The following CHSY3 variants were observed in gnomAD, a reference collection of about 807,000 sequenced individuals.
CHSY3 encodes the protein chondroitin sulfate synthase 3, also known as N-acetylgalactosaminyl-proteoglycan 3-beta-glucuronosyltransferase 3.
A neutral mutation model predicts 67.2 loss-of-function variants in CHSY3; 35 were observed. The observed-to-expected ratio is 0.52, with a 90% CI of 0.40 to 0.69. The LOEUF (loss-of-function observed/expected upper bound fraction) is 0.69, where lower values mean the gene tolerates loss of function less well. CHSY3 is among the 30% of genes least tolerant of loss of function. The probability of loss-of-function intolerance (pLI) is 0.00; values close to 1 mark genes in which losing one functional copy is unlikely to be tolerated. For synonymous variants in CHSY3, 474 were observed against 434.7 expected (o/e 1.09, Z -1.12); for missense variants, 1,069 against 1,138.5 (o/e 0.94, Z 0.88).
At chr5:129,941,909 G>T (rs575625324) in intron 2 of CHSY3, among the ~76,000 whole-genome samples, 1 of 152,116 alleles carries the variant, frequency 6.6e-6, no homozygotes, top group Non-Finnish European at 1.5e-5. Flanking sequence ...TGATTAATTT[G>T]CTAGAATCGC....
rs1262718427 is a variant in CHSY3 at position 129,936,292 on chromosome 5, C to G, written c.1086+27932C>G. On this transcript the variant is annotated intron_variant, in intron 2 of 2. Transcript: ENST00000305031. Reference sequence around the variant, plus strand: ...TTGGTTGAAAGCAAAAGGAACACCTCTGGTTAATTTATATAGAAGGGAATT... The same window carrying G: ...TTGGTTGAAAGCAAAAGGAACACCTGTGGTTAATTTATATAGAAGGGAATT... Among the ~76,000 whole-genome samples the G allele has an allele frequency of 2.0e-5, 3 of 152,160 alleles. No individual in the cohort carries two copies. The East Asian group carries it at 5.8e-4, about 29-fold the overall frequency.
chr5:129,982,334 A>G (rs1763044516), intron 2 of CHSY3, among the ~76,000 whole-genome samples: 1 of 152,086 alleles, frequency 6.6e-6, no homozygotes, highest in Non-Finnish European at 1.5e-5. Context: ...CTACTCTAAA[A>G]TGGTTGCCTT....
At chr5:130,110,845 CT>C in intron 2 of CHSY3, among the ~76,000 whole-genome samples, 1 of 151,716 alleles carries the variant, frequency 6.6e-6, no homozygotes, top group East Asian at 1.9e-4. Context: ...CTTTAGAAAT[CT>C]TCATGTTTGG....
At chr5:130,004,274 A>G (rs1763811714) in intron 2 of CHSY3, among the ~76,000 whole-genome samples, 1 of 152,304 alleles carries the variant, frequency 6.6e-6, no homozygotes, top group South Asian at 2.1e-4. Flanking sequence ...TGAACCACGC[A>G]ACATAAAGTT....
rs569761788 is a variant in CHSY3 at position 129,967,749 on chromosome 5, C to T, written c.1086+59389C>T. Among the ~76,000 whole-genome samples, 5 of 151,876 alleles carry T rather than the reference C, an allele frequency of 3.3e-5. No individual in the cohort carries two copies. The East Asian group carries it at 9.7e-4, about 30-fold the overall frequency. ...CATTCAAAGGCAAACTATGCTTAAACCTGACCATGTCCACAGACAGTATAT... is the reference window on the plus strand; with the variant it reads ...CATTCAAAGGCAAACTATGCTTAAATCTGACCATGTCCACAGACAGTATAT... On this transcript the variant is annotated intron_variant, in intron 2 of 2. Coordinates refer to ENST00000305031, the MANE Select transcript of CHSY3 (RefSeq NM_175856.5).
intron 2 of CHSY3, among the ~76,000 whole-genome samples, chr5:130,006,863 A>T (rs995792913): frequency 1.3e-5 from 2 of 152,218 alleles, no homozygotes; most frequent in African/African-American, 4.8e-5. Context: ...CTAGCCTACA[A>T]TGTGCTAGAT....
At chr5:130,140,246 A>C (rs182271886) in intron 2 of CHSY3, 46 of 306,258 alleles carry the variant, frequency 1.5e-4, no homozygotes, top group African/African-American at 9.6e-4. Flanking sequence ...GATGCCAAAT[A>C]TCTGACTGGA....
At chr5:129,991,729 T>G (rs1763373413) in intron 2 of CHSY3, among the ~76,000 whole-genome samples, 1 of 150,774 alleles carries the variant, frequency 6.6e-6, no homozygotes, top group African/African-American at 2.4e-5. Flanking sequence ...TGAAGAGGAG[T>G]AGGAAAAAGA....
intron 2 of CHSY3, among the ~76,000 whole-genome samples, chr5:130,056,001 A>C (rs548489921): frequency 6.6e-6 from 1 of 152,148 alleles, no homozygotes; most frequent in Non-Finnish European, 1.5e-5. Context: ...ATAAGTATTA[A>C]TGTTGCCTGA....
chr5:130,031,240 A>G (rs1290781317), intron 2 of CHSY3, among the ~76,000 whole-genome samples: 1 of 152,112 alleles, frequency 6.6e-6, no homozygotes. Context: ...TTGCTAACAC[A>G]TGAGAGGGCT....
chr5:130,079,516 C>T (rs753431043), intron 2 of CHSY3, among the ~76,000 whole-genome samples: 14 of 152,012 alleles, frequency 9.2e-5, no homozygotes, highest in Non-Finnish European at 1.6e-4. Context: ...TCAGTGAATG[C>T]TGTCGTATGT....
intron 2 of CHSY3, among the ~76,000 whole-genome samples, chr5:130,047,574 T>G (rs993897667): frequency 6.6e-6 from 1 of 152,078 alleles, no homozygotes; most frequent in Non-Finnish European, 1.5e-5. Flanking sequence ...CTCTATATAA[T>G]AGGAAAAGTC....
chr5:130,052,615 G>A (rs1293481692), intron 2 of CHSY3, among the ~76,000 whole-genome samples: 1 of 151,994 alleles, frequency 6.6e-6, no homozygotes, highest in Non-Finnish European at 1.5e-5. Flanking sequence ...TTTATTCAAA[G>A]GGAAAACAGA....
intron 2 of CHSY3, among the ~76,000 whole-genome samples, chr5:130,079,432 CTT>C (rs1766376151): frequency 6.6e-6 from 1 of 152,046 alleles, no homozygotes; most frequent in Non-Finnish European, 1.5e-5. Context: ...TTGGGATAAA[CTT>C]CAGGATTTTT....
intron 2 of CHSY3, among the ~76,000 whole-genome samples, chr5:129,972,702 A>C (rs1005870625): frequency 2.6e-5 from 4 of 151,594 alleles, no homozygotes; most frequent in African/African-American, 9.7e-5. Flanking sequence ...CCCCACACCC[A>C]CTCTCCTACT....
Position 129,982,421 on chromosome 5 carries a change from T to A in CHSY3, c.1086+74061T>A, listed in dbSNP as rs533029327. On this transcript the variant is annotated intron_variant, in intron 2 of 2. Transcript: ENST00000305031. ...ATTTCCGTTATCCATCTATTCCATG[T>A]AAATTTGAACACATCCTTTTATTCA... Among the ~76,000 whole-genome samples the A allele has an allele frequency of 1.8e-4, 27 of 152,246 alleles. No homozygotes were observed. The South Asian group carries it at 5.6e-3, about 32-fold the overall frequency.
chr5:130,058,032 T>C (rs1765593398), intron 2 of CHSY3, among the ~76,000 whole-genome samples: 1 of 152,186 alleles, frequency 6.6e-6, no homozygotes, highest in African/African-American at 2.4e-5. Flanking sequence ...CATTTCTCTT[T>C]TTTTAAAAAT....
intron 2 of CHSY3, among the ~76,000 whole-genome samples, chr5:129,930,295 C>T (rs1401935009): frequency 6.7e-6 from 1 of 149,828 alleles, no homozygotes; most frequent in Non-Finnish European, 1.5e-5. Flanking sequence ...GTCTCGCCAC[C>T]GCACTACAGC....
intron 2 of CHSY3, among the ~76,000 whole-genome samples, chr5:130,081,234 C>T (rs2530253): frequency 0.46 from 69,420 of 151,368 alleles, 16,221 homozygotes; most frequent in African/African-American, 0.54. Flanking sequence ...ATCTGGACTT[C>T]AGTCAGATAA....
Sources: allele counts gnomAD v4.1 joint callset (sites outside exome capture counted in the v4.1 genomes callset), GRCh38; gene constraint gnomAD v4.1.1; transcripts MANE v1.5; gene names NCBI Gene and HGNC (gene_info 2026-07-23, HGNC 2026-07-21).